RCOR1: variants seen among roughly 807,000 people sequenced by gnomAD.
RCOR1 encodes REST corepressor 1.
Under a neutral mutation model 64.0 loss-of-function variants are expected in RCOR1, and 12 were observed. The observed-to-expected ratio is 0.19, with a 90% CI of 0.12 to 0.30. The LOEUF (loss-of-function observed/expected upper bound fraction) is 0.30. Ranked by LOEUF, RCOR1 falls within the 10% of genes least tolerant of loss-of-function variation. The probability of loss-of-function intolerance (pLI) is 1.00; values close to 1 mark genes in which losing one functional copy is unlikely to be tolerated. For missense variants in RCOR1, 502 were observed against 621.2 expected, an observed-to-expected ratio of 0.81 and a Z score of 2.04; for synonymous variants, 279 against 227.2, an observed-to-expected ratio of 1.23 and a Z score of -2.05.
At chr14:102,725,715 A>G (rs1445621149) in intron 11 of RCOR1, among the ~76,000 whole-genome samples, 1 of 152,090 alleles carries the variant, frequency 6.6e-6, no homozygotes, top group East Asian at 1.9e-4. Context: ...AGCTGGGACT[A>G]CAGGTGTGCG....
chr14:102,664,815 A>T (rs1806634410), intron 2 of RCOR1, among the ~76,000 whole-genome samples: 1 of 152,236 alleles, frequency 6.6e-6, no homozygotes, highest in South Asian at 2.1e-4. Context: ...ATAATAGAGG[A>T]GAAAGAAAAT....
In RCOR1 at chr14:102,726,752, G is replaced by A. The variant is rs1171485999; in HGVS notation, c.*246G>A. ...TGCCCACGTGCTGGGGAAGTCTCACGGCCTGCACATCTCTTGTGACTCTGG... is the reference window on the plus strand; with the variant it reads ...TGCCCACGTGCTGGGGAAGTCTCACAGCCTGCACATCTCTTGTGACTCTGG... On this transcript the variant is annotated 3_prime_UTR_variant, in exon 12 of 12. Transcript: ENST00000262241. 1 of 499,674 alleles carries A rather than the reference G, an allele frequency of 2.0e-6. No individual in the cohort carries two copies. The highest frequency in any genetic ancestry group is 3.5e-6 in the Non-Finnish European group (1 of 286,914). 31.0% of individuals were successfully genotyped at this position (499,674 alleles called of 1,614,324 possible).
intron 2 of RCOR1, among the ~76,000 whole-genome samples, chr14:102,648,652 A>G (rs1894522103): frequency 2.0e-5 from 3 of 152,174 alleles, no homozygotes. Context: ...CTGCCTACAC[A>G]TATATATAAC....
intron 2 of RCOR1, among the ~76,000 whole-genome samples, chr14:102,614,202 T>C (rs1479955921): frequency 1.4e-5 from 2 of 148,094 alleles, no homozygotes; most frequent in African/African-American, 5.0e-5. Context: ...GCCATGTTTT[T>C]AAGATTTTTA....
chr14:102,641,887 T>C (rs1330190886), intron 2 of RCOR1, among the ~76,000 whole-genome samples: 2 of 152,192 alleles, frequency 1.3e-5, no homozygotes, highest in African/African-American at 4.8e-5. Flanking sequence ...ACAAAGATGA[T>C]TGTTGTATCT....
At chr14:102,655,597 A>G in intron 2 of RCOR1, 1 of 637,420 alleles carries the variant, frequency 1.6e-6, no homozygotes, top group Non-Finnish European at 2.0e-6. Flanking sequence ...GGTGATCAAT[A>G]AATATTTCCT....
intron 2 of RCOR1, chr14:102,657,982 T>G: frequency 2.1e-6 from 2 of 953,050 alleles, no homozygotes; most frequent in Non-Finnish European, 2.5e-6. Flanking sequence ...TAATTTTTAT[T>G]TATTTATTTT....
chr14:102,612,155 T>C (rs1007617148), intron 2 of RCOR1, among the ~76,000 whole-genome samples: 2 of 152,138 alleles, frequency 1.3e-5, no homozygotes, highest in East Asian at 3.9e-4. Flanking sequence ...TTTCATAATA[T>C]ACTACACAAG....
At chr14:102,716,634 G>A (rs943121842) in intron 8 of RCOR1, among the ~76,000 whole-genome samples, 2 of 146,402 alleles carry the variant, frequency 1.4e-5, no homozygotes, top group Non-Finnish European at 2.9e-5. Context: ...AACGCAGCAG[G>A]ACCTTTGTTT....
intron 2 of RCOR1, chr14:102,659,276 T>G (rs1400648770): frequency 1.0e-6 from 1 of 984,850 alleles, no homozygotes; most frequent in Non-Finnish European, 1.2e-6. Context: ...TGGCCTTCAC[T>G]ATCAAAACAA....
intron 2 of RCOR1, among the ~76,000 whole-genome samples, chr14:102,674,684 A>AC (rs1279574326): frequency 3.9e-5 from 6 of 151,906 alleles, no homozygotes; most frequent in Non-Finnish European, 7.4e-5. Flanking sequence ...CTTCTTTCTT[A>AC]CCCCCTTGAT....
chr14:102,663,099 A>C (rs1016801104), intron 2 of RCOR1, among the ~76,000 whole-genome samples: 1 of 152,138 alleles, frequency 6.6e-6, no homozygotes, highest in African/African-American at 2.4e-5. Context: ...CTTGCTAGCA[A>C]ATGAGTCTCA....
intron 2 of RCOR1, among the ~76,000 whole-genome samples, chr14:102,673,586 T>C (rs539733417): frequency 2.4e-4 from 36 of 151,310 alleles, no homozygotes; most frequent in Non-Finnish European, 3.2e-4. Flanking sequence ...CCGCCCGCCT[T>C]GGCCTCCCAA....
At chr14:102,596,334 C>G (rs542940159) in intron 2 of RCOR1, among the ~76,000 whole-genome samples, 1 of 152,040 alleles carries the variant, frequency 6.6e-6, no homozygotes, top group Admixed American at 6.6e-5. Flanking sequence ...AACTCCTGAA[C>G]GCAGGTGATC....
At chr14:102,702,599 T>C (rs1289328045) in intron 4 of RCOR1, among the ~76,000 whole-genome samples, 3 of 152,158 alleles carry the variant, frequency 2.0e-5, no homozygotes, top group Admixed American at 2.0e-4. Context: ...AGAGCACAGA[T>C]CCTAGAACTA....
chr14:102,643,151 G>A (rs558497232), intron 2 of RCOR1: 15 of 153,798 alleles, frequency 9.8e-5, no homozygotes, highest in Admixed American at 5.9e-4. Flanking sequence ...GCGTGGTGGC[G>A]GGTGCCTGTA....
intron 2 of RCOR1, among the ~76,000 whole-genome samples, chr14:102,654,819 C>CTT (rs146480116): frequency 1.2e-4 from 14 of 115,034 alleles, no homozygotes; most frequent in African/African-American, 3.6e-4. Context: ...TGTTCTTTTC[C>CTT]TTTTTTTTTG....
chr14:102,637,126 T>TG (rs2139916949), intron 2 of RCOR1, among the ~76,000 whole-genome samples: 1 of 145,372 alleles, frequency 6.9e-6, no homozygotes, highest in African/African-American at 2.6e-5. Context: ...TTTGTTTGTT[T>TG]TTTTATTTTT....
chr14:102,635,156 TGCA>T (rs1894210363), intron 2 of RCOR1, among the ~76,000 whole-genome samples: 1 of 152,198 alleles, frequency 6.6e-6, no homozygotes, highest in Admixed American at 6.6e-5. Context: ...GTTTTTCTTA[TGCA>T]AACTTTTAAA....
Sources: allele counts gnomAD v4.1 joint callset (sites outside exome capture counted in the v4.1 genomes callset), GRCh38; gene constraint gnomAD v4.1.1; transcripts MANE v1.5; gene names NCBI Gene and HGNC (gene_info 2026-07-23, HGNC 2026-07-21).